RPL5: variants seen among roughly 807,000 people sequenced by gnomAD.
The protein encoded by RPL5 is ribosomal protein L5, also known as large ribosomal subunit protein uL18.
RPL5 carries 1 observed loss-of-function variant against 38.4 expected under a neutral mutation model. That is an observed-to-expected ratio of 0.03 (90% CI 0.01 to 0.12). RPL5 has a LOEUF of 0.12. Ranked by LOEUF, RPL5 falls within the 10% of genes least tolerant of loss-of-function variation. The pLI, the probability that RPL5 is intolerant of heterozygous loss-of-function variation, is 1.00. For missense variants in RPL5, 243 were observed against 374.1 expected (o/e 0.65, Z 2.89); for synonymous variants, 109 against 121.2 (o/e 0.90, Z 0.66).
intron 6 of RPL5, among the ~76,000 whole-genome samples, chr1:92,840,008 AT>A (rs111307161): frequency 8.9e-3 from 1,235 of 138,146 alleles, no homozygotes; most frequent in African/African-American, 8.1e-3. Flanking sequence ...TGCCCTGCTA[AT>A]TTTTTTTTTT....
At chr1:92,840,900 TTGA>T (rs1687337084) in intron 7 of RPL5, 1 of 584,726 alleles carries the variant, frequency 1.7e-6, no homozygotes, top group Non-Finnish European at 3.2e-6. Context: ...TTGCTTTTTG[TTGA>T]TCTTTCATGT....
chr1:92,840,732 C>T (rs1399146075), intron 7 of RPL5, 93 bp downstream of exon 7: 6 of 911,894 alleles, frequency 6.6e-6, no homozygotes, highest in Non-Finnish European at 1.1e-5. Context: ...CAAACTCGAT[C>T]ACTAGCTCTG....
intron 7 of RPL5, chr1:92,840,979 C>T (rs1429254748): frequency 7.3e-6 from 3 of 413,248 alleles, no homozygotes; most frequent in East Asian, 1.1e-4. Context: ...GATGTGATGG[C>T]CCACAAATAC....
At chr1:92,840,989 C>T in intron 7 of RPL5, 2 of 401,618 alleles carry the variant, frequency 5.0e-6, no homozygotes, top group Non-Finnish European at 9.7e-6. Context: ...CCCACAAATA[C>T]AATGTATAGT....
At chr1:92,833,728 A>AAT in intron 3 of RPL5, 68 bp downstream of exon 3, 3 of 1,283,542 alleles carry the variant, frequency 2.3e-6, no homozygotes, top group Non-Finnish European at 3.4e-6. Flanking sequence ...AGCAAAGCAC[A>AAT]TGGTGTGTGT....
chr1:92,832,009 C>T (rs1171693574), upstream of RPL5: 1 of 1,556,850 alleles, frequency 6.4e-7, no homozygotes, highest in African/African-American at 1.4e-5. Flanking sequence ...ACCGTCCGCG[C>T]TACATACTGC....
rs1234308719 is a variant in RPL5 at position 92,840,592 on chromosome 1, G to A, written c.747G>A (p.Glu249=). The A allele has an allele frequency of 1.9e-6, 3 of 1,612,768 alleles. No individual in the cohort carries two copies. Among genetic ancestry groups the A allele is most frequent in the East Asian group, 2.2e-5 (1 of 44,876 alleles). Residue 249 remains glutamate (E), a synonymous_variant, in exon 7 of 8, where the codon GAG becomes GAA. Coordinates refer to ENST00000370321, the MANE Select transcript of RPL5 (RefSeq NM_000969.5). ...MYKKAHAAIR[E]NPVYEKKPKK... is the part of the protein sequence containing the mutation. Reference sequence around the variant, plus strand: ...AGAAAGCTCATGCTGCTATACGAGAGAATCCAGTCTATGAAAAGAAGCCCA... The same window carrying A: ...AGAAAGCTCATGCTGCTATACGAGAAAATCCAGTCTATGAAAAGAAGCCCA...
chr1:92,837,805 G>T, intron 6 of RPL5, 172 bp downstream of exon 6: 2 of 628,962 alleles, frequency 3.2e-6, no homozygotes, highest in Non-Finnish European at 5.6e-6. Flanking sequence ...GAGACTTCAA[G>T]CATCTGAAGA....
chr1:92,835,628 C>G (rs953742643), intron 4 of RPL5, among the ~76,000 whole-genome samples: 4 of 147,760 alleles, frequency 2.7e-5, no homozygotes, highest in Non-Finnish European at 5.9e-5. Flanking sequence ...CCATTGCACT[C>G]CAGCCTGGGC....
chr1:92,832,905 G>A, intron 1 of RPL5: 4 of 673,304 alleles, frequency 5.9e-6, no homozygotes, highest in South Asian at 1.6e-5. Context: ...AGAGAGGTAC[G>A]TAGTTGTTAT....
In RPL5 at chr1:92,837,624, T is replaced by C; in HGVS notation, c.696T>C (p.Thr232=). ...CTCAATACATAAAGAACAGCGTAAC[T>C]CCAGACATGGTAAAACATTTACCTA... ...QFSQYIKNSV[T]PDMMEEMYKK... Residue 232 remains threonine (T), a synonymous_variant, in exon 6 of 8, where the codon ACT becomes ACC. Coordinates refer to ENST00000370321, the MANE Select transcript of RPL5 (RefSeq NM_000969.5). 1 of 1,611,752 alleles carries C rather than the reference T, an allele frequency of 6.2e-7. No homozygotes were observed. The highest frequency in any genetic ancestry group is 8.5e-7 in the Non-Finnish European group (1 of 1,179,294).
At chr1:92,837,840 T>G (rs1266071083) in intron 6 of RPL5, 1 of 578,402 alleles carries the variant, frequency 1.7e-6, no homozygotes, top group African/African-American at 1.9e-5. Context: ...ATGCTTTGGC[T>G]GTTCTGTATT....
In RPL5 at chr1:92,832,080, T is replaced by C. The variant is rs1686926876; in HGVS notation, c.-35T>C. Reference sequence around the variant, plus strand: ...TAGCGCCGCTGGGCCTGCAGGTCTCTGTCGAGCAGCGGACGCCGGTCTCTG... The same window carrying C: ...TAGCGCCGCTGGGCCTGCAGGTCTCCGTCGAGCAGCGGACGCCGGTCTCTG... On this transcript the variant is annotated 5_prime_UTR_variant, in exon 1 of 8. Coordinates refer to ENST00000370321, the MANE Select transcript of RPL5 (RefSeq NM_000969.5). 1.9e-6 allele frequency: 3 copies of C among 1,613,734 alleles called. No individual in the cohort carries two copies. The highest frequency in any genetic ancestry group is 1.3e-5 in the African/African-American group (1 of 74,946).
At chr1:92,833,246 G>C in intron 1 of RPL5, 143 bp from the exon 2 acceptor site, 1 of 706,118 alleles carries the variant, frequency 1.4e-6, no homozygotes, top group South Asian at 1.7e-5. Context: ...GACCCTAGTT[G>C]CTTGTGAAAC....
chr1:92,841,854 G>C lies in RPL5; in HGVS notation c.883G>C (p.Ala295Pro). 2 of 1,610,772 alleles carry C rather than the reference G, an allele frequency of 1.2e-6. No homozygotes were observed. The highest frequency in any genetic ancestry group is 1.7e-6 in the Non-Finnish European group (2 of 1,178,734). Residue 295 changes from alanine to proline, a missense_variant, in exon 8 of 8, where the codon GCT (alanine) becomes CCT (proline). Transcript: ENST00000370321. ...CTTCCTCAGAGCTCAGGAGCGGGCT[G>C]CTGAGAGCTAAACCCAGCAATTTTC... The part of the protein sequence containing the change: ...ASFLRAQERA[A>P]ES
chr1:92,833,180 T>C (rs1186713678), intron 1 of RPL5: 1 of 649,748 alleles, frequency 1.5e-6, no homozygotes, highest in Non-Finnish European at 2.8e-6. Flanking sequence ...GATTCATTTT[T>C]ATTGTTTTAT....
intron 1 of RPL5, 139 bp downstream of exon 1, chr1:92,832,256 A>C: frequency 1.4e-6 from 2 of 1,393,180 alleles, no homozygotes; most frequent in Non-Finnish European, 2.0e-6. Context: ...GTCGAGGTGC[A>C]GTTCCCAGCG....
At chr1:92,838,523 T>C (rs1168379502) in intron 6 of RPL5, among the ~76,000 whole-genome samples, 1 of 152,250 alleles carries the variant, frequency 6.6e-6, no homozygotes, top group Non-Finnish European at 1.5e-5. Flanking sequence ...AATGCTTTCC[T>C]GTATATGTGC....
Position 92,832,067 on chromosome 1 carries a change from G to T in RPL5, c.-48G>T, listed in dbSNP as rs376070413. The T allele has an allele frequency of 3.9e-5, 63 of 1,613,286 alleles. No homozygotes were observed. Among genetic ancestry groups the T allele is most frequent in the Middle Eastern group, 3.3e-4 (2 of 6,062 alleles). ...TTTTCCCACCCCCTAGCGCCGCTGG[G>T]CCTGCAGGTCTCTGTCGAGCAGCGG... is the stretch of plus-strand genomic sequence containing the variant. On this transcript the variant is annotated 5_prime_UTR_variant, in exon 1 of 8. Coordinates refer to ENST00000370321, the MANE Select transcript of RPL5 (RefSeq NM_000969.5).
Sources: allele counts gnomAD v4.1 joint callset (sites outside exome capture counted in the v4.1 genomes callset), GRCh38; gene constraint gnomAD v4.1.1; transcripts MANE v1.5; gene names NCBI Gene and HGNC (gene_info 2026-07-23, HGNC 2026-07-21).